The following SSBP2 variants were observed in gnomAD, a reference collection of about 807,000 sequenced individuals.
SSBP2 encodes the protein single-stranded DNA-binding protein 2.
In SSBP2, 17 loss-of-function variants were observed where a neutral mutation model predicts 61.8. The ratio of observed to expected loss-of-function variants is 0.28; its 90% CI spans 0.19 to 0.41. The LOEUF (loss-of-function observed/expected upper bound fraction) is 0.41. Ranked by LOEUF, SSBP2 falls within the 10% of genes least tolerant of loss-of-function variation. The probability of loss-of-function intolerance (pLI) is 1.00; values close to 1 mark genes in which losing one functional copy is unlikely to be tolerated. For synonymous variants in SSBP2, 139 were observed against 141.3 expected (o/e 0.98, Z 0.12); for missense variants, 310 against 458.7 (o/e 0.68, Z 2.96).
chr5:81,494,099 C>T (rs918775308), intron 5 of SSBP2, among the ~76,000 whole-genome samples: 1 of 152,112 alleles, frequency 6.6e-6, no homozygotes, highest in African/African-American at 2.4e-5. Flanking sequence ...GTTCTCTTCA[C>T]CAAATGGCGA....
chr5:81,536,143 A>G (rs1048468078), intron 4 of SSBP2, among the ~76,000 whole-genome samples: 3 of 152,198 alleles, frequency 2.0e-5, no homozygotes, highest in African/African-American at 7.2e-5. Context: ...GAGGTCCTAC[A>G]TAATATGTTA....
intron 3 of SSBP2, among the ~76,000 whole-genome samples, chr5:81,624,672 G>C (rs533835504): frequency 2.4e-4 from 37 of 152,152 alleles, no homozygotes; most frequent in African/African-American, 8.9e-4. Flanking sequence ...CAACAACAAA[G>C]GCTGTAGTAA....
chr5:81,683,402 TG>T (rs1360320845), intron 1 of SSBP2, among the ~76,000 whole-genome samples: 1 of 152,166 alleles, frequency 6.6e-6, no homozygotes, highest in Non-Finnish European at 1.5e-5. Context: ...TTTGAACAAA[TG>T]GTGTTTGAAC....
At chr5:81,681,161 T>C (rs1022684998) in intron 1 of SSBP2, among the ~76,000 whole-genome samples, 2 of 152,038 alleles carry the variant, frequency 1.3e-5, no homozygotes, top group Admixed American at 1.3e-4. Flanking sequence ...ACAATGCACT[T>C]CTAAACACAC....
intron 1 of SSBP2, among the ~76,000 whole-genome samples, chr5:81,749,845 T>A (rs1757603652): frequency 6.6e-6 from 1 of 152,070 alleles, no homozygotes. Flanking sequence ...CAGCCGCCTC[T>A]TGGGCTCCCA....
intron 2 of SSBP2, among the ~76,000 whole-genome samples, chr5:81,643,605 T>C (rs1748995034): frequency 7.3e-6 from 1 of 137,222 alleles, no homozygotes; most frequent in Non-Finnish European, 1.6e-5. Flanking sequence ...CTTTTTTTTT[T>C]TTTTTTTTTT....
chr5:81,494,127 G>A (rs1227237666), intron 5 of SSBP2, among the ~76,000 whole-genome samples: 2 of 152,126 alleles, frequency 1.3e-5, no homozygotes, highest in African/African-American at 2.4e-5. Context: ...TGAAAACCCA[G>A]GGAAAATAAT....
intron 12 of SSBP2, among the ~76,000 whole-genome samples, chr5:81,443,757 T>TAATTTTTTATAC (rs1763189398): frequency 1.3e-5 from 2 of 152,186 alleles, no homozygotes; most frequent in Admixed American, 1.3e-4. Context: ...AGAGATGGGG[T>TAATTTTTTATAC]TTCACTGTGT....
chr5:81,697,888 T>G (rs1163902013), intron 1 of SSBP2, among the ~76,000 whole-genome samples: 1 of 152,180 alleles, frequency 6.6e-6, no homozygotes, highest in Non-Finnish European at 1.5e-5. Context: ...GAATAAATAT[T>G]GACATTATGA....
chr5:81,424,338 T>G (rs1031766760), intron 16 of SSBP2, among the ~76,000 whole-genome samples: 1 of 151,806 alleles, frequency 6.6e-6, no homozygotes, highest in South Asian at 2.1e-4. Flanking sequence ...TTGGGAGAAC[T>G]GCTTGAACCC....
At chr5:81,541,153 C>T (rs1361938476) in intron 4 of SSBP2, among the ~76,000 whole-genome samples, 1 of 152,014 alleles carries the variant, frequency 6.6e-6, no homozygotes, top group East Asian at 1.9e-4. Context: ...ACCAAGAATG[C>T]AATCCCATTT....
intron 10 of SSBP2, among the ~76,000 whole-genome samples, chr5:81,450,664 C>T (rs1763711362): frequency 2.0e-5 from 3 of 152,096 alleles, no homozygotes; most frequent in South Asian, 2.1e-4. Flanking sequence ...CTCTATATTC[C>T]AACCAGGGTT....
chr5:81,723,346 G>C (rs1199613154), intron 1 of SSBP2, among the ~76,000 whole-genome samples: 1 of 151,954 alleles, frequency 6.6e-6, no homozygotes, highest in Non-Finnish European at 1.5e-5. Context: ...CAATGTAGTT[G>C]ATTACTGTTG....
rs989176676 is a variant in SSBP2, at chr5:81,415,194, G to A, written c.*5310C>T. ...CTTTTGGCAAATATATGGCAACCTTGTCCCCCATACTGGATTACTCCCTCC... is the reference window on the plus strand; with the variant it reads ...CTTTTGGCAAATATATGGCAACCTTATCCCCCATACTGGATTACTCCCTCC... On this transcript the variant is annotated 3_prime_UTR_variant, in exon 17 of 17. Coordinates refer to ENST00000320672, the MANE Select transcript of SSBP2 (RefSeq NM_012446.5). 1 of 152,126 alleles carries A rather than the reference G, an allele frequency of 6.6e-6. No homozygotes were observed. The highest frequency in any genetic ancestry group is 1.5e-5 in the Non-Finnish European group (1 of 68,018). The allele number at this position is 152,126 out of a possible 1,614,324, so 9.4% of individuals were successfully genotyped here. A position where few individuals can be genotyped will look rare whatever the true frequency, so the allele number is the denominator to read the frequency against.
intron 1 of SSBP2, among the ~76,000 whole-genome samples, chr5:81,673,920 A>G (rs1169359296): frequency 3.3e-5 from 5 of 152,210 alleles, no homozygotes; most frequent in Non-Finnish European, 7.3e-5. Context: ...GAAGTGTCCA[A>G]TCAATGAAAG....
chr5:81,513,710 G>C lies in SSBP2; in HGVS notation c.290C>G (p.Ala97Gly). The change falls in exon 5 of 17, where the codon GCA becomes GGA. Residue 97 changes from alanine to glycine, a missense_variant. Ala to Gly is a moderately conservative substitution (Grantham distance 60). Transcript: ENST00000320672. ...TCCTAGCACTGGACTGGGAGCTGCT[G>C]CAGCACTCTGCAAAGAATAAAGGAG... The C allele has an allele frequency of 6.2e-7, 1 of 1,609,908 alleles. No homozygotes were observed. The highest frequency in any genetic ancestry group is 8.5e-7 in the Non-Finnish European group (1 of 1,176,804).
At chr5:81,620,131 G>A (rs1384518743) in intron 3 of SSBP2, among the ~76,000 whole-genome samples, 5 of 108,420 alleles carry the variant, frequency 4.6e-5, no homozygotes, top group African/African-American at 3.8e-5. Context: ...AGGAAATAAA[G>A]GGTATTCAAT....
intron 2 of SSBP2, among the ~76,000 whole-genome samples, chr5:81,646,505 C>A (rs1749278127): frequency 6.6e-6 from 1 of 151,744 alleles, no homozygotes; most frequent in South Asian, 2.1e-4. Flanking sequence ...GTTAAGAAGT[C>A]ATTCTACAAT....
intron 3 of SSBP2, among the ~76,000 whole-genome samples, chr5:81,624,129 C>A (rs560143820): frequency 6.6e-6 from 1 of 152,206 alleles, no homozygotes; most frequent in South Asian, 2.1e-4. Context: ...CCCTACTCAT[C>A]AGGAGAGTTT....
Sources: allele counts gnomAD v4.1 joint callset (sites outside exome capture counted in the v4.1 genomes callset), GRCh38; gene constraint gnomAD v4.1.1; transcripts MANE v1.5; gene names NCBI Gene and HGNC (gene_info 2026-07-23, HGNC 2026-07-21).